The following CDC5L variants were observed in gnomAD, a reference collection of about 807,000 sequenced individuals.
The protein encoded by CDC5L is cell division cycle 5 like, also known as cell division cycle 5-like protein.
CDC5L carries 18 observed loss-of-function variants against 104.1 expected under a neutral mutation model. The ratio of observed to expected loss-of-function variants is 0.17; its 90% CI spans 0.12 to 0.26. The LOEUF (loss-of-function observed/expected upper bound fraction) is 0.26, where lower values mean the gene tolerates loss of function less well. CDC5L is among the 10% of genes least tolerant of loss of function. The probability of loss-of-function intolerance (pLI) is 1.00; values close to 1 mark genes in which losing one functional copy is unlikely to be tolerated. For synonymous variants in CDC5L, 331 were observed against 322.7 expected (o/e 1.03, Z -0.28); for missense variants, 673 against 956.9 (o/e 0.70, Z 3.91).
intron 14 of CDC5L, chr6:44,435,854 T>G (rs562410769): frequency 6.6e-6 from 1 of 151,974 alleles, no homozygotes; most frequent in South Asian, 2.1e-4. Flanking sequence ...CGATCTTGGC[T>G]CGCTGCAACC....
At chr6:44,390,428 A>C in intron 2 of CDC5L, 57 bp downstream of exon 2, 2 of 1,064,636 alleles carry the variant, frequency 1.9e-6, no homozygotes, top group Non-Finnish European at 2.9e-6. Context: ...TGATGATGGA[A>C]AATGTCAACT....
At position 44,448,379 on chromosome 6, in the gene CDC5L, G is replaced by A. The variant is rs979631789; in HGVS notation, c.*1668G>A. 24 of 152,176 alleles carry A rather than the reference G, an allele frequency of 1.6e-4. 1 individual carries two copies. Among genetic ancestry groups the A allele is most frequent in the Admixed American group, 9.2e-4 (14 of 15,278 alleles). The allele number at this position is 152,176 out of a possible 1,614,324, so 9.4% of individuals were successfully genotyped here. On this transcript the variant is annotated 3_prime_UTR_variant, in exon 16 of 16. Transcript: ENST00000371477. ...GAAGATCTAAGCAAAGGAATGACAT[G>A]ATCAGATTTGGTTTTAGAAACATCA... is the stretch of plus-strand genomic sequence containing the variant.
intron 4 of CDC5L, 82 bp downstream of exon 4, chr6:44,393,655 C>T (rs1170999406): frequency 5.1e-6 from 7 of 1,378,914 alleles, no homozygotes; most frequent in Non-Finnish European, 6.9e-6. Flanking sequence ...TTTCTGAACT[C>T]CTCTACTTTA....
Position 44,448,453 on chromosome 6 carries a change from A to G in CDC5L, c.*1742A>G, listed in dbSNP as rs968550423. 6 of 152,224 alleles carry G rather than the reference A, an allele frequency of 3.9e-5. No individual in the cohort carries two copies. The highest frequency in any genetic ancestry group is 1.4e-4 in the African/African-American group (6 of 41,460). The allele number at this position is 152,224 out of a possible 1,614,324, so 9.4% of individuals were successfully genotyped here. ...TCACCAGGCTGGAGATAGGGAAGCC[A>G]GTCCAATTAGGAGCCTGATGCAGTG... is the stretch of plus-strand genomic sequence containing the variant. On this transcript the variant is annotated 3_prime_UTR_variant, in exon 16 of 16. Transcript: ENST00000371477.
At chr6:44,424,611 A>C (rs1561976227) in intron 11 of CDC5L, 28 bp downstream of exon 11, 3 of 1,610,808 alleles carry the variant, frequency 1.9e-6, no homozygotes, top group South Asian at 1.1e-5. Flanking sequence ...AAGAAGCGTG[A>C]GTTTGGCTGA....
rs11571929 is a variant in CDC5L, at chr6:44,395,637, G to C, written c.440-704G>C. ...CTAGGCTGGCTGCATCATTATCACAGGGGGAGCATTTAAAAATAGAAATAT... is the reference window on the plus strand; with the variant it reads ...CTAGGCTGGCTGCATCATTATCACACGGGGAGCATTTAAAAATAGAAATAT... On this transcript the variant is annotated intron_variant, in intron 4 of 15. Transcript: ENST00000371477. Among the ~76,000 whole-genome samples the C allele has an allele frequency of 1.2e-3, 176 of 152,324 alleles. 1 individual carries two copies. The highest frequency in any genetic ancestry group is 0.01 in the South Asian group (49 of 4,832).
At position 44,441,577 on chromosome 6, in the gene CDC5L, A is replaced by G. The variant is rs116656218; in HGVS notation, c.2092-4078A>G. On this transcript the variant is annotated intron_variant, in intron 14 of 15. Transcript: ENST00000371477. Reference sequence around the variant, plus strand: ...GCTGTACTAATTTACAATACCACCAACAGTGAACAGGGGTTCTCTTTTCTC... The same window carrying G: ...GCTGTACTAATTTACAATACCACCAGCAGTGAACAGGGGTTCTCTTTTCTC... Among the ~76,000 whole-genome samples the G allele has an allele frequency of 7.9e-3, 1,208 of 152,316 alleles. 20 individuals carry two copies. Among genetic ancestry groups the G allele is most frequent in the African/African-American group, 0.028 (1,154 of 41,558 alleles).
chr6:44,435,622 A>C (rs553929912), intron 14 of CDC5L: 5 of 153,244 alleles, frequency 3.3e-5, no homozygotes, highest in Admixed American at 6.6e-5. Flanking sequence ...TGACCAGTGT[A>C]TTGGACTTTC....
chr6:44,411,637 A>AGAGAGAGAGAGTGTGTGTGTGTGTGT, intron 8 of CDC5L, among the ~76,000 whole-genome samples: 7 of 123,730 alleles, frequency 5.7e-5, no homozygotes, highest in South Asian at 7.6e-4. Context: ...AGAGAGAGAG[A>AGAGAGAGAGAGTGTGTGTGTGTGTGT]GTGTGTGTGT....
At position 44,446,415 on chromosome 6, in the gene CDC5L, A is replaced by G. The variant is rs560703051; in HGVS notation, c.2305-192A>G. 6.6e-5 allele frequency among the ~76,000 whole-genome samples: 10 copies of G among 152,342 alleles called. No homozygotes were observed. In the South Asian group the frequency reaches 2.1e-3, roughly 32 times the overall value. ...ATTTGAAGTAGCAGCAGGATTTCAT[A>G]TGACCAAATCAAAGAATGGCTGTGA... On this transcript the variant is annotated intron_variant, in intron 15 of 15. Coordinates refer to ENST00000371477, the MANE Select transcript of CDC5L (RefSeq NM_001253.4).
At chr6:44,406,614 A>G (rs1026734010) in intron 7 of CDC5L, 147 bp downstream of exon 7, 28 of 756,468 alleles carry the variant, frequency 3.7e-5, no homozygotes, top group Non-Finnish European at 6.6e-6. Context: ...ACATAAAAAC[A>G]AGTAATTGTG....
intron 8 of CDC5L, among the ~76,000 whole-genome samples, chr6:44,411,548 C>T (rs1791623506): frequency 6.6e-6 from 1 of 151,198 alleles, no homozygotes; most frequent in African/African-American, 2.4e-5. Flanking sequence ...GTTTAGAAAT[C>T]TTTTTTGTAC....
Position 44,432,362 on chromosome 6 carries a change from A to G in CDC5L, c.2091+2452A>G, listed in dbSNP as rs148661749. Among the ~76,000 whole-genome samples the G allele has an allele frequency of 2.6e-5, 4 of 152,310 alleles. No individual in the cohort carries two copies. In the East Asian group the frequency reaches 7.7e-4, roughly 29 times the overall value. On this transcript the variant is annotated intron_variant, in intron 14 of 15. Transcript: ENST00000371477. Reference sequence around the variant, plus strand: ...TCCTTTCCACTCTTAGGTTCAGGAGATAAGCCCTTCTCTGTAAGCACTGTA... The same window carrying G: ...TCCTTTCCACTCTTAGGTTCAGGAGGTAAGCCCTTCTCTGTAAGCACTGTA...
chr6:44,430,060 C>T (rs1250279341), intron 14 of CDC5L, 150 bp downstream of exon 14: 21 of 600,816 alleles, frequency 3.5e-5, no homozygotes, highest in Non-Finnish European at 5.8e-5. Flanking sequence ...AGTGTTGGAT[C>T]TTCTTGGCCT....
chr6:44,391,501 G>A (rs1790619518), intron 2 of CDC5L, among the ~76,000 whole-genome samples: 1 of 151,900 alleles, frequency 6.6e-6, no homozygotes, highest in Non-Finnish European at 1.5e-5. Flanking sequence ...ATCCACCTCG[G>A]CCTCCCAGAG....
At chr6:44,393,385 C>T in intron 3 of CDC5L, 61 bp from the exon 4 acceptor site, 1 of 1,465,196 alleles carries the variant, frequency 6.8e-7, no homozygotes, top group East Asian at 2.4e-5. Context: ...ACTTGGAAAT[C>T]TGGTAATTTT....
intron 9 of CDC5L, among the ~76,000 whole-genome samples, chr6:44,422,395 C>T (rs934927328): frequency 8.5e-5 from 13 of 152,102 alleles, no homozygotes; most frequent in South Asian, 4.1e-4. Context: ...GTTTAGTGGA[C>T]GTAGTTTAGG....
chr6:44,392,820 A>C lies in CDC5L; in HGVS notation c.303A>C (p.Glu101Asp). 6.2e-7 allele frequency: 1 copy of C among 1,613,384 alleles called. No homozygotes were observed. The highest frequency in any genetic ancestry group is 8.5e-7 in the Non-Finnish European group (1 of 1,179,450). ...RTAAQCLEHY[E>D]FLLDKAAQRD... The stretch of plus-strand genomic sequence containing the variant: ...CGGCCCAGTGCTTAGAACACTATGA[A>C]TTTCTTCTGTAAGTGAGTCTTCAGA... Residue 101 changes from glutamate (E) to aspartate (D), a missense_variant, in exon 3 of 16, where the codon GAA becomes GAC. By Grantham distance (45) the Glu-to-Asp change is conservative (BLOSUM62 2). This residue lies in a region of CDC5L where 74 missense variants were observed against 123.5 expected (regional missense o/e 0.60). Transcript: ENST00000371477.
chr6:44,426,601 C>G lies in CDC5L; in HGVS notation c.1770C>G (p.His590Gln). 1 of 1,613,442 alleles carries G rather than the reference C, an allele frequency of 6.2e-7. No homozygotes were observed. Among genetic ancestry groups the G allele is most frequent in the Non-Finnish European group, 8.5e-7 (1 of 1,179,646 alleles). ...ITMLHYDLLH[H>Q]PYEPSGNKKG... ...TGCTTCATTATGACCTTCTACATCACCCTTATGAACCATCTGGAAATAAAA... is the reference window on the plus strand; with the variant it reads ...TGCTTCATTATGACCTTCTACATCAGCCTTATGAACCATCTGGAAATAAAA... Residue 590 changes from histidine to glutamine, a missense_variant, in exon 13 of 16, where the codon CAC becomes CAG. This residue lies in a region of CDC5L where 578 missense variants were observed against 737.0 expected (regional missense o/e 0.78). Transcript: ENST00000371477.
Sources: gnomAD v4.1 joint callset for allele counts (sites outside exome capture counted in the v4.1 genomes callset) on GRCh38, gnomAD v4.1.1 for gene constraint, gnomAD v4.1.1 regional missense constraint, MANE v1.5 for transcripts, NCBI Gene and HGNC (gene_info 2026-07-23, HGNC 2026-07-21) for gene names.